Variants in CD8B observed in about 807,000 individuals in gnomAD.
CD8B encodes the protein T-cell surface glycoprotein CD8 beta chain.
Under a neutral mutation model 24.2 loss-of-function variants are expected in CD8B, and 6 were observed. That is an observed-to-expected ratio of 0.25 (90% CI 0.14 to 0.49). CD8B has a LOEUF of 0.49. Ranked by LOEUF, CD8B falls within the 20% of genes least tolerant of loss-of-function variation. The pLI, the probability that CD8B is intolerant of heterozygous loss-of-function variation, is 0.98. For missense variants in CD8B, 196 were observed against 271.3 expected, an observed-to-expected ratio of 0.72 and a Z score of 1.95; for synonymous variants, 84 against 108.3, an observed-to-expected ratio of 0.78 and a Z score of 1.39.
rs773445818 is a variant in CD8B, at chr2:86,822,412, T to C, written c.621-6694A>G. ...GAGTATGAACAGAGATGTTAAATGT[T>C]AAAAGCAATGGAAATGTTCAGAAAT... On this transcript the variant is annotated intron_variant, in intron 5 of 5. Coordinates refer to the CD8B transcript ENST00000331469. 7 of 1,264,766 alleles carry C rather than the reference T, an allele frequency of 5.5e-6. No homozygotes were observed. The South Asian group carries it at 9.0e-5, about 16-fold the overall frequency. The allele number at this position is 1,264,766 out of a possible 1,614,324, so 78.3% of individuals were successfully genotyped here.
intron 4 of CD8B, among the ~76,000 whole-genome samples, chr2:86,846,458 C>A (rs1675680611): frequency 6.6e-6 from 1 of 152,138 alleles, no homozygotes; most frequent in African/African-American, 2.4e-5. Flanking sequence ...CAGGAAACAG[C>A]CACGTTGCAC....
In CD8B at chr2:86,820,132, G is replaced by A. The variant is rs530064238; in HGVS notation, c.621-4414C>T. Among the ~76,000 whole-genome samples the A allele has an allele frequency of 6.6e-5, 10 of 152,336 alleles. No homozygotes were observed. The South Asian group carries it at 2.1e-3, about 32-fold the overall frequency. On this transcript the variant is annotated intron_variant, in intron 5 of 5. Coordinates refer to the CD8B transcript ENST00000331469. ...AGCAAAGAAGGTGGTTTCTTGAAATGGAATCTACTCCTGGTGAAGATGGTG... is the reference window on the plus strand; with the variant it reads ...AGCAAAGAAGGTGGTTTCTTGAAATAGAATCTACTCCTGGTGAAGATGGTG...
chr2:86,856,756 A>G (rs1013441615), intron 2 of CD8B, among the ~76,000 whole-genome samples: 3 of 150,920 alleles, frequency 2.0e-5, no homozygotes, highest in African/African-American at 7.4e-5. Flanking sequence ...AATATGCCAC[A>G]GGTGCTGCTG....
chr2:86,851,542 G>A (rs1303958000), intron 3 of CD8B, among the ~76,000 whole-genome samples: 3 of 152,176 alleles, frequency 2.0e-5, no homozygotes, highest in Non-Finnish European at 4.4e-5. Context: ...CATTGGTTCT[G>A]ATTTTCTTTT....
chr2:86,820,485 A>G (rs1573484854), intron 5 of CD8B, among the ~76,000 whole-genome samples: 2 of 152,264 alleles, frequency 1.3e-5, no homozygotes, highest in East Asian at 1.9e-4. Flanking sequence ...CTGAAAGCTC[A>G]GGTGATTTTA....
chr2:86,834,507 G>A (rs576365385), downstream of CD8B, among the ~76,000 whole-genome samples: 9 of 135,776 alleles, frequency 6.6e-5, no homozygotes, highest in East Asian at 1.4e-3. Flanking sequence ...AACTGAGCTT[G>A]GATATTAAAA....
chr2:86,835,833 T>C (rs2104527648), downstream of CD8B, among the ~76,000 whole-genome samples: 1 of 150,602 alleles, frequency 6.6e-6, no homozygotes, highest in Middle Eastern at 3.4e-3. Context: ...CCCGGGTCTT[T>C]CTCTGGTCTG....
downstream of CD8B, among the ~76,000 whole-genome samples, chr2:86,834,580 A>C (rs1054722280): frequency 1.3e-5 from 2 of 152,104 alleles, no homozygotes; most frequent in African/African-American, 4.8e-5. Flanking sequence ...ACCAGGCTCA[A>C]ACGTGGGATA....
At chr2:86,824,189 C>T (rs1290353102) in intron 5 of CD8B, among the ~76,000 whole-genome samples, 1 of 110,710 alleles carries the variant, frequency 9.0e-6, no homozygotes, top group Non-Finnish European at 2.3e-5. Context: ...GCCAATGCTT[C>T]ATGCAGGGCA....
chr2:86,850,933 A>G (rs1675943250), intron 3 of CD8B, among the ~76,000 whole-genome samples: 1 of 152,060 alleles, frequency 6.6e-6, no homozygotes, highest in East Asian at 1.9e-4. Flanking sequence ...TCTACTAAAA[A>G]TATAAAAATT....
intron 5 of CD8B, among the ~76,000 whole-genome samples, chr2:86,831,252 GA>G (rs1674895460): frequency 6.6e-6 from 1 of 152,068 alleles, no homozygotes; most frequent in Non-Finnish European, 1.5e-5. Flanking sequence ...TGTTTTTGTA[GA>G]AACGGGTTTC....
intron 5 of CD8B, among the ~76,000 whole-genome samples, chr2:86,816,343 C>A (rs142514287): frequency 4.8e-4 from 73 of 152,262 alleles, no homozygotes; most frequent in African/African-American, 1.7e-3. Flanking sequence ...GAAGACTCAA[C>A]TTCAGGAAGA....
chr2:86,860,323 T>C (rs563435281), intron 1 of CD8B, among the ~76,000 whole-genome samples: 1 of 152,228 alleles, frequency 6.6e-6, no homozygotes, highest in South Asian at 2.1e-4. Flanking sequence ...AAGAAGGAAA[T>C]GATGCCTGGG....
rs115959977 is a variant in CD8B at position 86,832,705 on chromosome 2, C to T, written c.620+12217G>A. Among the ~76,000 whole-genome samples, 124 of 151,770 alleles carry T rather than the reference C, an allele frequency of 8.2e-4. 1 individual carries two copies. The highest frequency in any genetic ancestry group is 2.9e-3 in the African/African-American group (120 of 41,324). On this transcript the variant is annotated intron_variant, in intron 5 of 5. Transcript: ENST00000331469. ...GTGTGGGTTGAGCTTTGTAAGCTGC[C>T]CCAAATCCTTTTTGGGAATTAGACA...
At chr2:86,857,090 C>T (rs1252827351) in intron 2 of CD8B, among the ~76,000 whole-genome samples, 1 of 151,928 alleles carries the variant, frequency 6.6e-6, no homozygotes, top group Non-Finnish European at 1.5e-5. Context: ...TCATGGAGGC[C>T]ATCAGCACCC....
intron 3 of CD8B, among the ~76,000 whole-genome samples, chr2:86,847,775 A>G (rs963291020): frequency 1.3e-5 from 2 of 152,190 alleles, no homozygotes; most frequent in African/African-American, 4.8e-5. Context: ...CACGTTGGCC[A>G]GGATGGTCTC....
At chr2:86,861,731 G>T in intron 1 of CD8B, 92 bp downstream of exon 1, 1 of 1,023,994 alleles carries the variant, frequency 9.8e-7, no homozygotes, top group Non-Finnish European at 1.3e-6. Flanking sequence ...GCTGCACCCT[G>T]CCAGGACCAG....
chr2:86,858,525 C>G lies in CD8B; in HGVS notation c.44-109G>C, dbSNP rs1468963323. On this transcript the variant is annotated intron_variant, in intron 1 of 5. Transcript: ENST00000390655. ...AAGGAAAAGCCATGGAAGGACCTGC[C>G]CAGTTACTGGGTCCAGGGAGTGTGT... 4 of 1,450,204 alleles carry G rather than the reference C, an allele frequency of 2.8e-6. No homozygotes were observed. The East Asian group carries it at 9.6e-5, about 35-fold the overall frequency. 89.8% of individuals were successfully genotyped at this position (1,450,204 alleles called of 1,614,324 possible). A position where few individuals can be genotyped will look rare whatever the true frequency, so the allele number is the denominator to read the frequency against.
intron 5 of CD8B, among the ~76,000 whole-genome samples, chr2:86,826,395 C>G (rs538179600): frequency 6.6e-6 from 1 of 152,252 alleles, no homozygotes; most frequent in Admixed American, 6.5e-5. Context: ...GAATCTGTGA[C>G]ATGTGCAGGT....
Sources: gnomAD v4.1 joint callset for allele counts (sites outside exome capture counted in the v4.1 genomes callset) on GRCh38, gnomAD v4.1.1 for gene constraint, MANE v1.5 for transcripts, NCBI Gene and HGNC (gene_info 2026-07-23, HGNC 2026-07-21) for gene names.